Variants in PTBP2 observed in about 807,000 individuals in gnomAD.
The protein encoded by PTBP2 is polypyrimidine tract binding protein 2.
Under a neutral mutation model 61.4 loss-of-function variants are expected in PTBP2, and 13 were observed. That is an observed-to-expected ratio of 0.21 (90% CI 0.14 to 0.34). The LOEUF is 0.34. Ranked by LOEUF, PTBP2 falls within the 10% of genes least tolerant of loss-of-function variation. The probability of loss-of-function intolerance (pLI) is 1.00; values close to 1 mark genes in which losing one functional copy is unlikely to be tolerated. For missense variants in PTBP2, 405 were observed against 642.6 expected, an observed-to-expected ratio of 0.63 and a Z score of 4.00; for synonymous variants, 215 against 218.5, an observed-to-expected ratio of 0.98 and a Z score of 0.14.
intron 3 of PTBP2, among the ~76,000 whole-genome samples, chr1:96,767,194 C>T (rs1656830237): frequency 6.6e-6 from 1 of 152,114 alleles, no homozygotes. Context: ...AGCTATTTTA[C>T]TTCTGCTTAA....
intron 5 of PTBP2, among the ~76,000 whole-genome samples, chr1:96,772,567 C>T (rs1235408056): frequency 1.3e-5 from 2 of 152,104 alleles, no homozygotes; most frequent in African/African-American, 2.4e-5. Flanking sequence ...CACCCCTTCC[C>T]TGTTCACTCC....
intron 8 of PTBP2, among the ~76,000 whole-genome samples, chr1:96,794,459 G>A (rs1660164932): frequency 6.6e-6 from 1 of 152,170 alleles, no homozygotes; most frequent in South Asian, 2.1e-4. Context: ...TCTTTCCAGG[G>A]AGGTAAAGGT....
chr1:96,773,447 C>T (rs1298031680), intron 5 of PTBP2, among the ~76,000 whole-genome samples: 1 of 152,062 alleles, frequency 6.6e-6, no homozygotes, highest in Non-Finnish European at 1.5e-5. Flanking sequence ...TTAAAAAATA[C>T]GTCACTATAT....
At chr1:96,757,938 A>G (rs1330456178) in intron 3 of PTBP2, among the ~76,000 whole-genome samples, 2 of 152,064 alleles carry the variant, frequency 1.3e-5, no homozygotes, top group Non-Finnish European at 2.9e-5. Flanking sequence ...AAATACCTAT[A>G]TTACAAAAAA....
intron 3 of PTBP2, among the ~76,000 whole-genome samples, chr1:96,755,409 T>C (rs995583698): frequency 2.0e-5 from 3 of 152,228 alleles, no homozygotes; most frequent in Non-Finnish European, 2.9e-5. Flanking sequence ...CTGATGGGAA[T>C]GTAAAATCGT....
intron 5 of PTBP2, chr1:96,771,194 A>G (rs1657341439): frequency 6.3e-6 from 1 of 158,738 alleles, no homozygotes. Context: ...TTTTTTTTAT[A>G]GGTCTTAATT....
intron 2 of PTBP2, chr1:96,751,182 T>C: frequency 1.8e-6 from 1 of 540,808 alleles, no homozygotes; most frequent in Non-Finnish European, 3.3e-6. Context: ...TAGAATCTAA[T>C]CACTTTTTCT....
At chr1:96,778,310 G>T (rs1163663450) in intron 7 of PTBP2, among the ~76,000 whole-genome samples, 1 of 151,650 alleles carries the variant, frequency 6.6e-6, no homozygotes, top group Non-Finnish European at 1.5e-5. Flanking sequence ...AAAGAGTTTG[G>T]CTGAAATATA....
At chr1:96,773,903 C>T (rs1277863164) in intron 5 of PTBP2, among the ~76,000 whole-genome samples, 1 of 147,884 alleles carries the variant, frequency 6.8e-6, no homozygotes, top group East Asian at 2.0e-4. Context: ...GCGGAGCTTG[C>T]AGTGAGCCGA....
At chr1:96,735,314 A>G (rs1378161068) in intron 2 of PTBP2, among the ~76,000 whole-genome samples, 2 of 152,226 alleles carry the variant, frequency 1.3e-5, no homozygotes, top group Non-Finnish European at 2.9e-5. Flanking sequence ...TTAACATTTA[A>G]TGTAAGTTGG....
intron 4 of PTBP2, 108 bp from the exon 5 acceptor site, chr1:96,770,600 T>G (rs1032751788): frequency 1.8e-5 from 18 of 1,001,866 alleles, no homozygotes; most frequent in Non-Finnish European, 2.7e-5. Context: ...AAAAGTAACC[T>G]GAAGGATTAT....
chr1:96,811,842 T>G (rs1662118567), intron 11 of PTBP2, among the ~76,000 whole-genome samples: 1 of 152,372 alleles, frequency 6.6e-6, no homozygotes, highest in South Asian at 2.1e-4. Context: ...CATATAACTT[T>G]CTAGCATCAG....
intron 3 of PTBP2, among the ~76,000 whole-genome samples, chr1:96,768,852 A>G (rs1323283505): frequency 1.3e-5 from 2 of 152,032 alleles, no homozygotes; most frequent in African/African-American, 2.4e-5. Flanking sequence ...CATTGTAGAT[A>G]AGCCATAATA....
chr1:96,764,676 C>A (rs1656451373), intron 3 of PTBP2, among the ~76,000 whole-genome samples: 1 of 152,182 alleles, frequency 6.6e-6, no homozygotes, highest in South Asian at 2.1e-4. Flanking sequence ...ATTCTTTTTG[C>A]TATAATGTTT....
At chr1:96,792,245 A>G (rs1450278863) in intron 8 of PTBP2, among the ~76,000 whole-genome samples, 2 of 152,200 alleles carry the variant, frequency 1.3e-5, no homozygotes, top group Non-Finnish European at 2.9e-5. Flanking sequence ...GAATATGAAT[A>G]CTAATATTAA....
At chr1:96,732,834 T>A (rs1651613466) in intron 2 of PTBP2, among the ~76,000 whole-genome samples, 1 of 152,076 alleles carries the variant, frequency 6.6e-6, no homozygotes, top group Non-Finnish European at 1.5e-5. Context: ...GATCAGTGAG[T>A]TGAATAGTTT....
intron 2 of PTBP2, among the ~76,000 whole-genome samples, chr1:96,730,953 C>T (rs1002860948): frequency 2.0e-5 from 3 of 152,032 alleles, no homozygotes; most frequent in Non-Finnish European, 4.4e-5. Context: ...GGTGTTGTTT[C>T]GGCGAGGCAA....
At chr1:96,733,022 T>TTTC (rs1491412454) in intron 2 of PTBP2, among the ~76,000 whole-genome samples, 5 of 61,628 alleles carry the variant, frequency 8.1e-5, no homozygotes, top group African/African-American at 1.9e-4. Context: ...TCTTTCTTTC[T>TTTC]TTTTTTTTTT....
At chr1:96,792,918 C>G (rs553660740) in intron 8 of PTBP2, among the ~76,000 whole-genome samples, 71 of 152,102 alleles carry the variant, frequency 4.7e-4, no homozygotes, top group Middle Eastern at 6.8e-3. Flanking sequence ...AGCTGTCCCC[C>G]AAGAAAGACC....
Sources: gnomAD v4.1 joint callset for allele counts (sites outside exome capture counted in the v4.1 genomes callset) on GRCh38, gnomAD v4.1.1 for gene constraint, MANE v1.5 for transcripts, NCBI Gene and HGNC (gene_info 2026-07-23, HGNC 2026-07-21) for gene names.